The following RPS6KA2 variants were observed in gnomAD, a reference collection of about 807,000 sequenced individuals.
RPS6KA2 encodes the protein ribosomal protein S6 kinase alpha-2.
In RPS6KA2, 42 loss-of-function variants were observed where a neutral mutation model predicts 91.8. That is an observed-to-expected ratio of 0.46 (90% CI 0.36 to 0.59). The LOEUF (loss-of-function observed/expected upper bound fraction) is 0.59. Ranked by LOEUF, RPS6KA2 falls within the 20% of genes least tolerant of loss-of-function variation. The pLI, the probability that RPS6KA2 is intolerant of heterozygous loss-of-function variation, is 0.00. For synonymous variants in RPS6KA2, 414 were observed against 393.6 expected, an observed-to-expected ratio of 1.05 and a Z score of -0.61; for missense variants, 798 against 978.5, an observed-to-expected ratio of 0.82 and a Z score of 2.46.
rs567233774 is a variant in RPS6KA2, at chr6:166,673,296, G to C, written c.124-134512C>G. Among the ~76,000 whole-genome samples, 3 of 152,180 alleles carry C rather than the reference G, an allele frequency of 2.0e-5. No individual in the cohort carries two copies. In the South Asian group the frequency reaches 6.2e-4, roughly 32 times the overall value. On this transcript the variant is annotated intron_variant, in intron 2 of 21. Coordinates refer to the RPS6KA2 transcript ENST00000503859. ...CTCTAGGGATCTCTGTGCTGTGGAG[G>C]GTCTTGGGAAGCACTGATCCTGGGT...
intron 2 of RPS6KA2, among the ~76,000 whole-genome samples, chr6:166,760,622 G>T (rs1778142045): frequency 2.0e-5 from 3 of 152,312 alleles, no homozygotes; most frequent in Middle Eastern, 6.8e-3. Flanking sequence ...GGCCAAAAAT[G>T]CTCATCTTTC....
In RPS6KA2 at chr6:166,726,361, A is replaced by T. The variant is rs1790338880; in HGVS notation, c.123+131839T>A. Among the ~76,000 whole-genome samples, 2 of 152,186 alleles carry T rather than the reference A, an allele frequency of 1.3e-5. No individual in the cohort carries two copies. The highest frequency in any genetic ancestry group is 4.1e-4 in the South Asian group (2 of 4,830). The stretch of plus-strand genomic sequence containing the variant: ...CTAAACTCCACTGGGGGAAAGTTCC[A>T]TTCCACCTCCGATTCCTAGAGCTGC... On this transcript the variant is annotated intron_variant, in intron 2 of 21. Coordinates refer to the RPS6KA2 transcript ENST00000503859. The surrounding 1 kb of genome is among the most constrained non-coding windows in gnomAD (Gnocchi z 4.4).
chr6:166,769,414 C>T (rs182317255), intron 2 of RPS6KA2, among the ~76,000 whole-genome samples: 9 of 152,228 alleles, frequency 5.9e-5, no homozygotes, highest in East Asian at 1.9e-4. Context: ...GAATAGAAGA[C>T]GGTGTTCCTC....
At chr6:166,652,326 C>G (rs1366869114) in intron 2 of RPS6KA2, among the ~76,000 whole-genome samples, 2 of 152,222 alleles carry the variant, frequency 1.3e-5, no homozygotes, top group African/African-American at 4.8e-5. Flanking sequence ...CTTAAATTAA[C>G]TGTCCTTGGG....
intron 2 of RPS6KA2, among the ~76,000 whole-genome samples, chr6:166,725,487 T>C (rs1184400172): frequency 6.6e-6 from 1 of 152,234 alleles, no homozygotes; most frequent in African/African-American, 2.4e-5. Context: ...GCCCAGCCTC[T>C]TTCTCCAGCC....
intron 1 of RPS6KA2, among the ~76,000 whole-genome samples, chr6:166,555,331 G>A (rs539270467): frequency 9.2e-5 from 14 of 152,242 alleles, no homozygotes; most frequent in African/African-American, 3.1e-4. Context: ...CTATTGTTCT[G>A]GGCTCTCCGA....
chr6:166,800,845 T>C (rs1779349008), intron 2 of RPS6KA2, among the ~76,000 whole-genome samples: 1 of 152,222 alleles, frequency 6.6e-6, no homozygotes, highest in African/African-American at 2.4e-5. Context: ...ACTGGAAATA[T>C]ATGCCTTTGG....
At chr6:166,757,414 A>G (rs1778045962) in intron 2 of RPS6KA2, 1 of 429,166 alleles carries the variant, frequency 2.3e-6, no homozygotes, top group Non-Finnish European at 4.7e-6. Context: ...CACTCCGCCC[A>G]GAAAACAGCT....
At chr6:166,556,647 C>A (rs915770170) in intron 1 of RPS6KA2, among the ~76,000 whole-genome samples, 1 of 152,190 alleles carries the variant, frequency 6.6e-6, no homozygotes, top group Non-Finnish European at 1.5e-5. Flanking sequence ...CCCAAAGGAA[C>A]ACAGGACATA....
chr6:166,692,709 G>A (rs1157178537), intron 2 of RPS6KA2, among the ~76,000 whole-genome samples: 3 of 152,130 alleles, frequency 2.0e-5, no homozygotes, highest in South Asian at 4.1e-4. Context: ...CTTCCAGAGC[G>A]GATCAGGAAC....
intron 3 of RPS6KA2, among the ~76,000 whole-genome samples, chr6:166,514,926 T>C (rs1045449426): frequency 5.3e-5 from 8 of 152,162 alleles, no homozygotes; most frequent in African/African-American, 1.9e-4. Flanking sequence ...GCCACCTGCA[T>C]TCTCGGCCTG....
intron 2 of RPS6KA2, among the ~76,000 whole-genome samples, chr6:166,692,986 G>A (rs1366824118): frequency 6.6e-6 from 1 of 152,196 alleles, no homozygotes; most frequent in Non-Finnish European, 1.5e-5. Flanking sequence ...TTGTCACTCG[G>A]GATCATCCGA....
intron 2 of RPS6KA2, among the ~76,000 whole-genome samples, chr6:166,853,742 TCAA>T (rs1220283043): frequency 6.6e-6 from 1 of 152,246 alleles, no homozygotes; most frequent in East Asian, 1.9e-4. Flanking sequence ...CTCTAGACCC[TCAA>T]CAAGTCCGCC....
At chr6:166,663,856 T>C (rs547043501) in intron 2 of RPS6KA2, among the ~76,000 whole-genome samples, 16 of 152,302 alleles carry the variant, frequency 1.1e-4, no homozygotes, top group Middle Eastern at 6.8e-3. Context: ...AGAGGAAATA[T>C]GGTATCAGAA....
At chr6:166,716,657 G>A (rs569969751) in intron 2 of RPS6KA2, among the ~76,000 whole-genome samples, 7 of 152,154 alleles carry the variant, frequency 4.6e-5, no homozygotes, top group Non-Finnish European at 7.3e-5. Flanking sequence ...AATGGAAAAG[G>A]GGGGTTGTAA....
intron 1 of RPS6KA2, among the ~76,000 whole-genome samples, chr6:166,618,670 C>A (rs758461477): frequency 3.3e-5 from 5 of 152,234 alleles, no homozygotes; most frequent in Non-Finnish European, 7.3e-5. Flanking sequence ...GCAATTCGGG[C>A]AAATGCCCAT....
intron 14 of RPS6KA2, among the ~76,000 whole-genome samples, chr6:166,442,022 G>C (rs1212924030): frequency 1.6e-4 from 25 of 152,366 alleles, no homozygotes; most frequent in Non-Finnish European, 1.5e-5. Context: ...GGTGGCAGCA[G>C]GACCTTTCAC....
rs147674781 is a variant in RPS6KA2, at chr6:166,649,635, A to C, written c.124-110851T>G. ...GATAATTATTTGGGAATTATACCTT[A>C]CTCACTCATGCAACCCCCACTCCCA... On this transcript the variant is annotated intron_variant, in intron 2 of 21. Coordinates refer to the RPS6KA2 transcript ENST00000503859. Among the ~76,000 whole-genome samples, 502 of 152,250 alleles carry C rather than the reference A, an allele frequency of 3.3e-3. 2 individuals carry two copies. The highest frequency in any genetic ancestry group is 0.012 in the African/African-American group (488 of 41,536).
intron 2 of RPS6KA2, among the ~76,000 whole-genome samples, chr6:166,713,787 T>C (rs958106152): frequency 6.6e-6 from 1 of 152,212 alleles, no homozygotes; most frequent in African/African-American, 2.4e-5. Flanking sequence ...GCCTGTGATG[T>C]CCTGGGGTCA....
Sources: allele counts gnomAD v4.1 joint callset (sites outside exome capture counted in the v4.1 genomes callset), GRCh38; gene constraint gnomAD v4.1.1; non-coding constraint Gnocchi (gnomAD v3.1); transcripts MANE v1.5; gene names NCBI Gene and HGNC (gene_info 2026-07-23, HGNC 2026-07-21).